The following RARRES2 variants were observed in gnomAD, a reference collection of about 807,000 sequenced individuals.
RARRES2 encodes the protein retinoic acid receptor responder protein 2.
Under a neutral mutation model 17.9 loss-of-function variants are expected in RARRES2, and 12 were observed. The observed-to-expected ratio is 0.67, with a 90% CI of 0.43 to 1.08. The LOEUF (loss-of-function observed/expected upper bound fraction) is 1.08. RARRES2 is among the 50% of genes least tolerant of loss of function. The probability of loss-of-function intolerance (pLI) is 0.00; values close to 1 mark genes in which losing one functional copy is unlikely to be tolerated. For synonymous variants in RARRES2, 82 were observed against 86.8 expected, an observed-to-expected ratio of 0.94 and a Z score of 0.31; for missense variants, 220 against 210.1, an observed-to-expected ratio of 1.05 and a Z score of -0.29.
chr7:150,338,667 G>C lies in RARRES2; in HGVS notation c.450C>G (p.Phe150Leu). Reference protein sequence around the residue: ...RAGEDPHSFYFPGQFAFSKAL... With the variant: ...RAGEDPHSFYLPGQFAFSKAL... ...CCTTGGAGAAGGCGAACTGTCCAGGGAAGTAGAAGCTGTGGGGGTCCTCAC... is the reference window on the plus strand; with the variant it reads ...CCTTGGAGAAGGCGAACTGTCCAGGCAAGTAGAAGCTGTGGGGGTCCTCAC... Residue 150 changes from phenylalanine to leucine, a missense_variant, in exon 5 of 6, where the codon TTC (phenylalanine) becomes TTG (leucine). Physicochemically the swap from Phe to Leu is conservative, Grantham distance 22 (BLOSUM62 0). Transcript: ENST00000223271. 6.4e-7 allele frequency: 1 copy of C among 1,555,726 alleles called. No homozygotes were observed. Among genetic ancestry groups the C allele is most frequent in the Non-Finnish European group, 8.7e-7 (1 of 1,149,128 alleles).
Position 150,338,750 on chromosome 7 carries a change from G to A in RARRES2, c.376-9C>T. ...TGGTGCTCCTCAGCCTCCTGCCAGT[G>A]CCCAAAACTGTTCAGGCAGTGTAGG... On this transcript the variant is annotated splice_polypyrimidine_tract_variant and intron_variant, in intron 4 of 5. Coordinates refer to ENST00000223271, the MANE Select transcript of RARRES2 (RefSeq NM_002889.4). The A allele has an allele frequency of 6.4e-7, 1 of 1,558,690 alleles. No individual in the cohort carries two copies. Among genetic ancestry groups the A allele is most frequent in the South Asian group, 1.2e-5 (1 of 85,118 alleles).
chr7:150,340,832 C>T, intron 1 of RARRES2: 1 of 512,366 alleles, frequency 2.0e-6, no homozygotes, highest in South Asian at 3.1e-5. Context: ...TCCCACCCTG[C>T]CCGCGCTGTT....
At chr7:150,338,783 G>C in intron 4 of RARRES2, 42 bp from the exon 5 acceptor site, 1 of 1,562,694 alleles carries the variant, frequency 6.4e-7, no homozygotes, top group Non-Finnish European at 8.7e-7. Flanking sequence ...AGGAGGGGTG[G>C]GCAGTGCCAG....
At chr7:150,339,161 G>A (rs774373551) in intron 3 of RARRES2, 80 bp from the exon 4 acceptor site, 69 of 1,359,036 alleles carry the variant, frequency 5.1e-5, no homozygotes, top group Non-Finnish European at 6.9e-5. Context: ...GGGAGCCAGG[G>A]CTGCCCATCA....
At position 150,339,988 on chromosome 7, in the gene RARRES2, T is replaced by C. The variant is rs1306444266; in HGVS notation, c.279+112A>G. On this transcript the variant is annotated intron_variant, in intron 3 of 5. Coordinates refer to ENST00000223271, the MANE Select transcript of RARRES2 (RefSeq NM_002889.4). ...GGTCTCTAACCTCAGGGCTTCTTAATGGACCTCCCAATTCATGCATGCACA... is the reference window on the plus strand; with the variant it reads ...GGTCTCTAACCTCAGGGCTTCTTAACGGACCTCCCAATTCATGCATGCACA... 6 of 962,820 alleles carry C rather than the reference T, an allele frequency of 6.2e-6. No homozygotes were observed. In the East Asian group the frequency reaches 9.7e-5, roughly 16 times the overall value. 59.6% of individuals were successfully genotyped at this position (962,820 alleles called of 1,614,324 possible). A position where few individuals can be genotyped will look rare whatever the true frequency, so the allele number is the denominator to read the frequency against.
chr7:150,339,137 G>C, intron 3 of RARRES2, 56 bp from the exon 4 acceptor site: 2 of 1,482,418 alleles, frequency 1.3e-6, no homozygotes, highest in Non-Finnish European at 1.9e-6. Context: ...GGGAGGCCTG[G>C]GCATCATGAG....
chr7:150,339,118 A>G (rs924912088), intron 3 of RARRES2, 37 bp from the exon 4 acceptor site: 1 of 1,537,366 alleles, frequency 6.5e-7, no homozygotes. Flanking sequence ...GAGCAGAGGA[A>G]AAGGGTGAGG....
rs1296142350 is a variant in RARRES2 at position 150,340,420 on chromosome 7, G to A, written c.174+16C>T. On this transcript the variant is annotated intron_variant, in intron 2 of 5. Coordinates refer to ENST00000223271, the MANE Select transcript of RARRES2 (RefSeq NM_002889.4). ...GGTACGACCCTCCCCGCTCCTGCCC[G>A]GGCCATGCTACTCACCGTGTCCACG... is the stretch of plus-strand genomic sequence containing the variant. The A allele has an allele frequency of 2.5e-6, 4 of 1,585,218 alleles. No individual in the cohort carries two copies. Among genetic ancestry groups the A allele is most frequent in the East Asian group, 2.3e-5 (1 of 44,314 alleles).
intron 2 of RARRES2, 30 bp downstream of exon 2, chr7:150,340,406 C>T (rs779960018): frequency 6.4e-7 from 1 of 1,572,616 alleles, no homozygotes; most frequent in Non-Finnish European, 8.6e-7. Flanking sequence ...GTACGACCCT[C>T]CCCGCTCCTG....
chr7:150,339,168 A>C, intron 3 of RARRES2, 87 bp from the exon 4 acceptor site: 1 of 1,281,500 alleles, frequency 7.8e-7, no homozygotes, highest in South Asian at 1.2e-5. Context: ...AGGGCTGCCC[A>C]TCATGGGACC....
At chr7:150,340,372 G>A (rs890172000) in intron 2 of RARRES2, 64 bp downstream of exon 2, 6 of 1,551,818 alleles carry the variant, frequency 3.9e-6, no homozygotes, top group South Asian at 2.4e-5. Flanking sequence ...GTCCCCCTTC[G>A]TGGGAATGCG....
At chr7:150,340,002 C>T (rs1484216395) in intron 3 of RARRES2, 98 bp downstream of exon 3, 2 of 1,061,482 alleles carry the variant, frequency 1.9e-6, no homozygotes, top group African/African-American at 3.1e-5. Flanking sequence ...CCTCCCAATT[C>T]ATGCATGCAC....
At position 150,338,363 on chromosome 7, in the gene RARRES2, G is replaced by C; in HGVS notation, c.*87C>G. 1 of 1,461,000 alleles carries C rather than the reference G, an allele frequency of 6.8e-7. No individual in the cohort carries two copies. Among genetic ancestry groups the C allele is most frequent in the Non-Finnish European group, 9.1e-7 (1 of 1,099,464 alleles). The allele number at this position is 1,461,000 out of a possible 1,614,324, so 90.5% of individuals were successfully genotyped here. ...AGCTTTATTATCATGGCTGGGGATA[G>C]AACGGGTTCCTCTCCCTGGGGGCTG... is the stretch of plus-strand genomic sequence containing the variant. On this transcript the variant is annotated 3_prime_UTR_variant, in exon 6 of 6. Transcript: ENST00000223271.
At chr7:150,340,055 C>G in intron 3 of RARRES2, 45 bp downstream of exon 3, 2 of 1,553,622 alleles carry the variant, frequency 1.3e-6, no homozygotes. Flanking sequence ...AGTCCATGCA[C>G]TCACACCCAG....
rs1256903253 is a variant in RARRES2, at chr7:150,338,975, C to T, written c.375+11G>A. ...CCCTGTCACCACCTGTGCACCCTTG[C>T]CCCTTCTTACCCGCAGAACTTGGGT... On this transcript the variant is annotated intron_variant, in intron 4 of 5. Transcript: ENST00000223271. 4 of 1,590,576 alleles carry T rather than the reference C, an allele frequency of 2.5e-6. No homozygotes were observed. Among genetic ancestry groups the T allele is most frequent in the African/African-American group, 2.7e-5 (2 of 74,326 alleles).
intron 3 of RARRES2, among the ~76,000 whole-genome samples, chr7:150,339,818 C>T (rs886104241): frequency 3.1e-4 from 47 of 152,216 alleles, no homozygotes; most frequent in Admixed American, 8.5e-4. Flanking sequence ...GAACTCAGAC[C>T]GAGGTGAGCC....
In RARRES2 at chr7:150,338,460, G is replaced by A. The variant is rs761292062; in HGVS notation, c.*11-21C>T. ...CATCTCTAGACAAAAGGGGAAACAG[G>A]TTTGGGGGTGAGGGAGGTTGCTTCA... On this transcript the variant is annotated intron_variant, in intron 5 of 5. Transcript: ENST00000223271. The A allele has an allele frequency of 3.3e-6, 5 of 1,529,126 alleles. No individual in the cohort carries two copies. In the African/African-American group the frequency reaches 6.9e-5, roughly 21 times the overall value. 94.7% of individuals were successfully genotyped at this position (1,529,126 alleles called of 1,614,324 possible). A position where few individuals can be genotyped will look rare whatever the true frequency, so the allele number is the denominator to read the frequency against.
At chr7:150,341,477 G>C (rs1798488869) in intron 1 of RARRES2, 101 bp downstream of exon 1, 1 of 152,210 alleles carries the variant, frequency 6.6e-6, no homozygotes, top group Non-Finnish European at 1.5e-5. Context: ...CCTCAGTGAA[G>C]AGCTGCCAGG....
rs759373876 is a variant in RARRES2 at position 150,338,346 on chromosome 7, TATC to T, written c.*101_*103del. 15 of 1,421,456 alleles carry T rather than the reference TATC, an allele frequency of 1.1e-5. No individual in the cohort carries two copies. The highest frequency in any genetic ancestry group is 2.8e-5 in the African/African-American group (2 of 70,450). The allele number at this position is 1,421,456 out of a possible 1,614,324, so 88.1% of individuals were successfully genotyped here. A position where few individuals can be genotyped will look rare whatever the true frequency, so the allele number is the denominator to read the frequency against. ...GAGGCAGCTGGGAGAGCAGCTTTAT[TATC>T]ATGGCTGGGGATAGAACGGGTTCCT... On this transcript the variant is annotated 3_prime_UTR_variant, in exon 6 of 6. Coordinates refer to ENST00000223271, the MANE Select transcript of RARRES2 (RefSeq NM_002889.4).
Sources: gnomAD v4.1 joint callset for allele counts (sites outside exome capture counted in the v4.1 genomes callset) on GRCh38, gnomAD v4.1.1 for gene constraint, MANE v1.5 for transcripts, NCBI Gene and HGNC (gene_info 2026-07-23, HGNC 2026-07-21) for gene names.